PRIM2: variants seen among roughly 807,000 people sequenced by gnomAD.
PRIM2 encodes the protein DNA primase large subunit.
In PRIM2, 39 loss-of-function variants were observed where a neutral mutation model predicts 67.3. That is an observed-to-expected ratio of 0.58 (90% CI 0.45 to 0.76). The LOEUF is 0.76. PRIM2 is among the 30% of genes least tolerant of loss of function. PRIM2 has a pLI of 0.00. For missense variants in PRIM2, 398 were observed against 598.7 expected (o/e 0.66, Z 3.50); for synonymous variants, 143 against 198.7 (o/e 0.72, Z 2.36).
At chr6:57,520,362 G>A (rs1457183709) in intron 8 of PRIM2, among the ~76,000 whole-genome samples, 1 of 152,064 alleles carries the variant, frequency 6.6e-6, no homozygotes, top group African/African-American at 2.4e-5. Flanking sequence ...TTATTCCCTC[G>A]ACCTCTCACT....
chr6:57,479,762 T>A (rs1391735906), intron 7 of PRIM2, among the ~76,000 whole-genome samples: 8 of 152,220 alleles, frequency 5.3e-5, no homozygotes, highest in Non-Finnish European at 1.0e-4. Context: ...TGTGTTGTGG[T>A]TTTTTGGTTG....
intron 7 of PRIM2, among the ~76,000 whole-genome samples, chr6:57,418,055 C>T (rs1374318900): frequency 2.0e-5 from 3 of 152,134 alleles, no homozygotes; most frequent in East Asian, 1.9e-4. Flanking sequence ...GTTGCTTTAA[C>T]GCAGCTCTGA....
At chr6:57,341,347 C>G (rs1313713520) in intron 5 of PRIM2, among the ~76,000 whole-genome samples, 1 of 152,034 alleles carries the variant, frequency 6.6e-6, no homozygotes, top group Admixed American at 6.5e-5. Flanking sequence ...GAATGTAAAG[C>G]TTGATCAAGT....
chr6:57,547,156 A>C (rs1486569492), intron 10 of PRIM2, among the ~76,000 whole-genome samples: 2,238 of 152,296 alleles, frequency 0.015, 22 homozygotes, highest in Non-Finnish European at 0.02. Flanking sequence ...TGTTTTTCTT[A>C]GTTGTAATTA....
chr6:57,311,756 C>G (rs552026508), upstream of PRIM2, among the ~76,000 whole-genome samples: 1 of 151,934 alleles, frequency 6.6e-6, no homozygotes. Flanking sequence ...ATTGAGTGAG[C>G]GAGACTCCGT....
chr6:57,265,168 A>G, the PRIM2 span, among the ~76,000 whole-genome samples: 2 of 152,220 alleles, frequency 1.3e-5, no homozygotes, highest in Non-Finnish European at 2.9e-5. Flanking sequence ...CTGGATGTCT[A>G]TGGAGAAGCA....
In PRIM2 at chr6:57,626,735, C is replaced by T. The variant is rs1240717467; in HGVS notation, c.1231-5398C>T. Among the ~76,000 whole-genome samples the T allele has an allele frequency of 1.7e-3, 263 of 152,046 alleles. 1 individual carries two copies. The highest frequency in any genetic ancestry group is 6.1e-3 in the African/African-American group (252 of 41,498). On this transcript the variant is annotated intron_variant, in intron 12 of 13. Coordinates refer to ENST00000615550, the MANE Select transcript of PRIM2 (RefSeq NM_000947.5). Reference sequence around the variant, plus strand: ...GACCTCCCCGACTCAAGCGAACCTCCCGCCTCAGCCCCCCAAGTAGCTGGG... The same window carrying T: ...GACCTCCCCGACTCAAGCGAACCTCTCGCCTCAGCCCCCCAAGTAGCTGGG...
chr6:57,418,394 T>G (rs1182918801), intron 7 of PRIM2, among the ~76,000 whole-genome samples: 1,232 of 113,096 alleles, frequency 0.011, 67 homozygotes, highest in African/African-American at 0.032. Flanking sequence ...TTTTTTTTTT[T>G]TTTTTTTTTT....
the PRIM2 span, among the ~76,000 whole-genome samples, chr6:57,259,350 AC>A: frequency 6.3e-5 from 8 of 127,626 alleles, no homozygotes; most frequent in East Asian, 5.2e-4. Flanking sequence ...TCCTCCTGGG[AC>A]CAGTAGGTTG....
At chr6:57,638,468 G>T (rs1777162000) in intron 13 of PRIM2, among the ~76,000 whole-genome samples, 1 of 149,748 alleles carries the variant, frequency 6.7e-6, no homozygotes, top group East Asian at 2.0e-4. Flanking sequence ...ATTGGATGAA[G>T]AGTCAAGACC....
chr6:57,334,281 A>G (rs1768149517), intron 5 of PRIM2, among the ~76,000 whole-genome samples: 1 of 152,048 alleles, frequency 6.6e-6, no homozygotes, highest in African/African-American at 2.4e-5. Context: ...TTATGTATAT[A>G]TATTGCATTT....
the PRIM2 span, among the ~76,000 whole-genome samples, chr6:57,284,869 A>G: frequency 9.6e-4 from 146 of 152,308 alleles, 1 homozygote; most frequent in East Asian, 0.025. Context: ...AACAAAAAAT[A>G]TAGACCACTA....
intron 10 of PRIM2, among the ~76,000 whole-genome samples, chr6:57,576,203 A>G (rs1775962577): frequency 6.6e-6 from 1 of 152,174 alleles, no homozygotes; most frequent in Non-Finnish European, 1.5e-5. Flanking sequence ...TTTTAAGTTA[A>G]ATTCCTATAA....
intron 6 of PRIM2, 99 bp downstream of exon 6, chr6:57,380,095 T>C (rs5011401): frequency 6.5e-5 from 60 of 916,684 alleles, no homozygotes; most frequent in Middle Eastern, 6.4e-4. Flanking sequence ...CCTCTCATCA[T>C]CACAGCTACT....
At chr6:57,417,236 G>C (rs1771295395) in intron 7 of PRIM2, among the ~76,000 whole-genome samples, 1 of 152,098 alleles carries the variant, frequency 6.6e-6, no homozygotes, top group African/African-American at 2.4e-5. Context: ...CAAAGTGCTG[G>C]GATTACAGGC....
intron 7 of PRIM2, among the ~76,000 whole-genome samples, chr6:57,460,156 ATT>A (rs5876570): frequency 2.2e-5 from 3 of 134,912 alleles, no homozygotes; most frequent in African/African-American, 5.4e-5. Flanking sequence ...CCAGGGGTCT[ATT>A]TTTTTTTTTT....
chr6:57,458,109 T>C (rs1213382260), intron 7 of PRIM2, among the ~76,000 whole-genome samples: 3 of 152,234 alleles, frequency 2.0e-5, no homozygotes, highest in Non-Finnish European at 4.4e-5. Context: ...AGCTAACTTA[T>C]GTTGAAATAA....
chr6:57,638,965 C>A (rs1348722295), intron 13 of PRIM2, among the ~76,000 whole-genome samples: 1 of 152,142 alleles, frequency 6.6e-6, no homozygotes, highest in Non-Finnish European at 1.5e-5. Flanking sequence ...TTCTTCTCAG[C>A]ACCACATTGC....
At chr6:57,415,146 G>C (rs1771217100) in intron 7 of PRIM2, among the ~76,000 whole-genome samples, 1 of 152,096 alleles carries the variant, frequency 6.6e-6, no homozygotes, top group Non-Finnish European at 1.5e-5. Context: ...CAAGAGCTAT[G>C]TCAGTTCAGA....
Sources: gnomAD v4.1 joint callset for allele counts (sites outside exome capture counted in the v4.1 genomes callset) on GRCh38, gnomAD v4.1.1 for gene constraint, MANE v1.5 for transcripts, NCBI Gene and HGNC (gene_info 2026-07-23, HGNC 2026-07-21) for gene names.